ARHGAP15: variants seen among roughly 807,000 people sequenced by gnomAD.
The protein encoded by ARHGAP15 is Rho GTPase activating protein 15.
A neutral mutation model predicts 63.7 loss-of-function variants in ARHGAP15; 51 were observed. The ratio of observed to expected loss-of-function variants is 0.80; its 90% confidence interval spans 0.64 to 1.01. The LOEUF (loss-of-function observed/expected upper bound fraction) is 1.01, where lower values mean the gene tolerates loss of function less well. Ranked by LOEUF, ARHGAP15 falls within the 50% of genes least tolerant of loss-of-function variation. The pLI, the probability that ARHGAP15 is intolerant of heterozygous loss-of-function variation, is 0.00. For missense variants in ARHGAP15, 560 were observed against 564.6 expected (o/e 0.99, Z 0.08); for synonymous variants, 191 against 193.8 (o/e 0.99, Z 0.12).
chr2:143,188,212 T>C lies in ARHGAP15; in HGVS notation c.166-13922T>C, dbSNP rs889132397. 4.6e-5 allele frequency among the ~76,000 whole-genome samples: 7 copies of C among 152,268 alleles called. No individual in the cohort carries two copies. The South Asian group carries it at 8.3e-4, about 18-fold the overall frequency. Reference sequence around the variant, plus strand: ...TTCCCTTCCCTCTATTGTTTCATCATAGTTTTTCACAATTTTTAGTTCAAT... The same window carrying C: ...TTCCCTTCCCTCTATTGTTTCATCACAGTTTTTCACAATTTTTAGTTCAAT... On this transcript the variant is annotated intron_variant, in intron 2 of 13. Coordinates refer to ENST00000295095, the MANE Select transcript of ARHGAP15 (RefSeq NM_018460.4).
At chr2:143,230,652 G>T (rs1161130496) in intron 5 of ARHGAP15, among the ~76,000 whole-genome samples, 1 of 152,172 alleles carries the variant, frequency 6.6e-6, no homozygotes, top group Admixed American at 6.5e-5. Context: ...TGTTTGTGCT[G>T]CATGAATTGA....
chr2:143,761,702 C>T (rs1686764710), intron 13 of ARHGAP15, among the ~76,000 whole-genome samples: 1 of 152,126 alleles, frequency 6.6e-6, no homozygotes, highest in African/African-American at 2.4e-5. Flanking sequence ...GAAAAACTTA[C>T]CCAGCATAAG....
intron 2 of ARHGAP15, among the ~76,000 whole-genome samples, chr2:143,175,500 C>T (rs1451039009): frequency 6.6e-6 from 1 of 152,118 alleles, no homozygotes; most frequent in East Asian, 1.9e-4. Flanking sequence ...TGATAATGAT[C>T]TGCATCCATT....
chr2:143,468,248 A>G (rs1050766759), intron 8 of ARHGAP15, among the ~76,000 whole-genome samples: 6 of 151,846 alleles, frequency 4.0e-5, no homozygotes, highest in African/African-American at 7.3e-5. Context: ...TCTTATTCTT[A>G]ATATTAAAAT....
chr2:143,434,309 G>A (rs927431508), intron 6 of ARHGAP15, among the ~76,000 whole-genome samples: 3 of 152,004 alleles, frequency 2.0e-5, no homozygotes, highest in African/African-American at 7.2e-5. Context: ...ATCAAGAATG[G>A]TTACTTTGCA....
chr2:143,634,240 T>A (rs1239761354), intron 12 of ARHGAP15, among the ~76,000 whole-genome samples: 2 of 152,036 alleles, frequency 1.3e-5, no homozygotes, highest in African/African-American at 4.8e-5. Flanking sequence ...GAACACACTC[T>A]CCCAGATTGC....
intron 2 of ARHGAP15, among the ~76,000 whole-genome samples, chr2:143,158,259 TCTTAA>T (rs560381926): frequency 5.9e-5 from 9 of 152,066 alleles, no homozygotes; most frequent in Admixed American, 2.6e-4. Flanking sequence ...TTAATATGAC[TCTTAA>T]CTTAGAACAC....
chr2:143,677,399 G>A (rs556894659), intron 12 of ARHGAP15, among the ~76,000 whole-genome samples: 22 of 152,172 alleles, frequency 1.4e-4, no homozygotes, highest in East Asian at 1.2e-3. Context: ...ACTTGCATAC[G>A]GCTTTTCTGG....
chr2:143,654,807 A>G (rs1285579373), intron 12 of ARHGAP15, among the ~76,000 whole-genome samples: 2 of 152,210 alleles, frequency 1.3e-5, no homozygotes, highest in African/African-American at 4.8e-5. Flanking sequence ...ATATATGGAA[A>G]TTAATTATAA....
intron 11 of ARHGAP15, among the ~76,000 whole-genome samples, chr2:143,619,796 C>T (rs2105233349): frequency 6.6e-6 from 1 of 152,268 alleles, no homozygotes; most frequent in South Asian, 2.1e-4. Flanking sequence ...CTGCTGCTGG[C>T]CATGTGAAGA....
intron 9 of ARHGAP15, among the ~76,000 whole-genome samples, chr2:143,505,111 A>C (rs566021433): frequency 6.6e-6 from 1 of 152,288 alleles, no homozygotes; most frequent in South Asian, 2.1e-4. Context: ...GCCAGAGTAC[A>C]TGTGCCATTT....
intron 6 of ARHGAP15, among the ~76,000 whole-genome samples, chr2:143,368,977 CAA>C (rs1158400005): frequency 1.3e-5 from 2 of 151,924 alleles, no homozygotes; most frequent in Non-Finnish European, 2.9e-5. Context: ...ATAAAAATAA[CAA>C]TATTAGAATG....
intron 13 of ARHGAP15, among the ~76,000 whole-genome samples, chr2:143,728,178 C>A (rs556781530): frequency 6.6e-6 from 1 of 152,306 alleles, no homozygotes; most frequent in East Asian, 1.9e-4. Context: ...TGAGGTCTCT[C>A]CCCTTGGCTT....
Position 143,383,183 on chromosome 2 carries a change from C to A in ARHGAP15, c.475-52418C>A, listed in dbSNP as rs557466944. On this transcript the variant is annotated intron_variant, in intron 6 of 13. Transcript: ENST00000295095. ...TTATACTAGGGATAGGAAAAAAACA[C>A]ATTAGAAATGACATTTCAGAACTAT... Among the ~76,000 whole-genome samples, 4 of 152,238 alleles carry A rather than the reference C, an allele frequency of 2.6e-5. No homozygotes were observed. The South Asian group carries it at 6.2e-4, about 24-fold the overall frequency.
intron 12 of ARHGAP15, among the ~76,000 whole-genome samples, chr2:143,679,721 C>A (rs1352375183): frequency 6.6e-6 from 1 of 151,250 alleles, no homozygotes; most frequent in Admixed American, 6.6e-5. Flanking sequence ...TCAGGTGGAA[C>A]CGTGGTTCCT....
chr2:143,533,060 TAGA>T, intron 10 of ARHGAP15, among the ~76,000 whole-genome samples: 1 of 152,346 alleles, frequency 6.6e-6, no homozygotes, highest in East Asian at 1.9e-4. Context: ...TCTTCTTGTC[TAGA>T]GTTTCTAACA....
intron 11 of ARHGAP15, among the ~76,000 whole-genome samples, chr2:143,569,152 TAA>T (rs1386741796): frequency 3.4e-5 from 5 of 148,540 alleles, no homozygotes; most frequent in Non-Finnish European, 6.0e-5. Flanking sequence ...CCCTAGAACT[TAA>T]AGTATAATAA....
intron 11 of ARHGAP15, among the ~76,000 whole-genome samples, chr2:143,581,125 T>A (rs1435075926): frequency 6.6e-6 from 1 of 152,176 alleles, no homozygotes; most frequent in Non-Finnish European, 1.5e-5. Context: ...CACACAGGTA[T>A]GCTTGAACAC....
At chr2:143,407,987 G>GTGTATATA (rs1357709703) in intron 6 of ARHGAP15, among the ~76,000 whole-genome samples, 47 of 77,374 alleles carry the variant, frequency 6.1e-4, no homozygotes, top group Non-Finnish European at 8.0e-4. Context: ...TTCTGTGTGT[G>GTGTATATA]TATATATATA....
Sources: allele counts gnomAD v4.1 joint callset (sites outside exome capture counted in the v4.1 genomes callset), GRCh38; gene constraint gnomAD v4.1.1; transcripts MANE v1.5; gene names NCBI Gene and HGNC (gene_info 2026-07-23, HGNC 2026-07-21).